Variants in CLMP observed in about 807,000 individuals in gnomAD.
CLMP encodes the protein CXADR like cell adhesion molecule.
In CLMP, 27 loss-of-function variants were observed where a neutral mutation model predicts 45.2. The ratio of observed to expected loss-of-function variants is 0.60; its 90% CI spans 0.44 to 0.82. The LOEUF is 0.82. Among genes scored for constraint, CLMP ranks in the 40% least tolerant of loss-of-function variants. CLMP has a pLI of 0.00. For synonymous variants in CLMP, 167 were observed against 171.4 expected (o/e 0.97, Z 0.20); for missense variants, 403 against 448.4 (o/e 0.90, Z 0.91).
intron 5 of CLMP, among the ~76,000 whole-genome samples, chr11:123,082,694 T>C (rs1235929562): frequency 1.3e-5 from 2 of 151,180 alleles, no homozygotes; most frequent in Non-Finnish European, 2.9e-5. Context: ...CACTGCAACC[T>C]CCGCCTCCCA....
intron 2 of CLMP, among the ~76,000 whole-genome samples, chr11:123,088,223 T>G (rs1591452458): frequency 6.6e-6 from 1 of 152,268 alleles, no homozygotes. Flanking sequence ...AGGGTAGGTT[T>G]CTTGGCAGGT....
intron 2 of CLMP, 22 bp from the exon 3 acceptor site, chr11:123,084,735 A>T: frequency 6.2e-7 from 1 of 1,607,112 alleles, no homozygotes; most frequent in Non-Finnish European, 8.5e-7. Flanking sequence ...ACCGAGGCAG[A>T]GTCAAGCAGC....
At chr11:123,136,055 C>A in intron 1 of CLMP, 1 of 596,576 alleles carries the variant, frequency 1.7e-6, no homozygotes, top group Non-Finnish European at 3.3e-6. Flanking sequence ...TCTTCATCTG[C>A]CTTTTTGCTT....
At chr11:123,114,708 C>A (rs1860696287) in intron 1 of CLMP, among the ~76,000 whole-genome samples, 1 of 152,104 alleles carries the variant, frequency 6.6e-6, no homozygotes, top group Non-Finnish European at 1.5e-5. Context: ...TGTAACACTT[C>A]TTAATAATAG....
intron 1 of CLMP, among the ~76,000 whole-genome samples, chr11:123,112,338 C>CT (rs544128953): frequency 0.079 from 10,791 of 137,458 alleles, 526 homozygotes; most frequent in East Asian, 0.15. Context: ...TTTTCTTTTT[C>CT]TTTTTTTTTT....
intron 1 of CLMP, among the ~76,000 whole-genome samples, chr11:123,151,942 T>C (rs1861341605): frequency 6.6e-6 from 1 of 152,176 alleles, no homozygotes; most frequent in Non-Finnish European, 1.5e-5. Flanking sequence ...CTTGAATAGC[T>C]CCCTGCCTCC....
chr11:123,181,418 C>A (rs1290727317), intron 1 of CLMP, among the ~76,000 whole-genome samples: 2 of 152,222 alleles, frequency 1.3e-5, no homozygotes, highest in Non-Finnish European at 2.9e-5. Flanking sequence ...CGATTGCTTT[C>A]GCCTCATGGT....
rs117892730 is a variant in CLMP, at chr11:123,147,598, C to T, written c.28+47315G>A. ...CAGCAGCGAGCCTTTCTTGACTGCC[C>T]CTACTCTGGATTCCCATAGCACACC... On this transcript the variant is annotated intron_variant, in intron 1 of 6. Transcript: ENST00000448775. Among the ~76,000 whole-genome samples the T allele has an allele frequency of 3.1e-3, 473 of 152,090 alleles. 11 individuals carry two copies. The East Asian group carries it at 0.034, about 11-fold the overall frequency.
At chr11:123,145,230 T>A (rs1861219248) in intron 1 of CLMP, among the ~76,000 whole-genome samples, 1 of 152,144 alleles carries the variant, frequency 6.6e-6, no homozygotes, top group Non-Finnish European at 1.5e-5. Flanking sequence ...TATTTCTATT[T>A]CTATATTTTC....
intron 1 of CLMP, among the ~76,000 whole-genome samples, chr11:123,118,759 T>C (rs1860751261): frequency 6.6e-6 from 1 of 152,106 alleles, no homozygotes; most frequent in Non-Finnish European, 1.5e-5. Context: ...TCATTTCCCC[T>C]GACTTTACTT....
intron 5 of CLMP, among the ~76,000 whole-genome samples, chr11:123,080,490 G>A (rs2135465707): frequency 6.6e-6 from 1 of 152,236 alleles, no homozygotes; most frequent in East Asian, 1.9e-4. Context: ...ACCACGCCCA[G>A]CTAATTTTCT....
At chr11:123,186,351 G>A (rs543885735) in intron 1 of CLMP, among the ~76,000 whole-genome samples, 8 of 152,262 alleles carry the variant, frequency 5.3e-5, no homozygotes, top group Admixed American at 3.3e-4. Flanking sequence ...GGCAGCCTAA[G>A]TTGGCACAGG....
In CLMP at chr11:123,073,504, G is replaced by A; in HGVS notation, c.1092C>T (p.Pro364=). The A allele has an allele frequency of 1.2e-6, 2 of 1,614,050 alleles. No homozygotes were observed. The highest frequency in any genetic ancestry group is 1.7e-6 in the Non-Finnish European group (2 of 1,179,960). Residue 364 remains proline (P), a synonymous_variant, in exon 7 of 7, where the codon CCC becomes CCT. Coordinates refer to ENST00000448775, the MANE Select transcript of CLMP (RefSeq NM_024769.5). ...CCGTTTGGAAGGCTCTGCTCTGGCT[G>A]GGGATCATGCTGGGTGTGGTTTCTG... The part of the protein sequence containing the change: ...TKAETTPSMI[P]SQSRAFQTV
At chr11:123,188,405 CCTTCCTCCTCCT>C (rs146814009) in intron 1 of CLMP, among the ~76,000 whole-genome samples, 101,966 of 149,290 alleles carry the variant, frequency 0.68, 34,995 homozygotes, top group South Asian at 0.74. Flanking sequence ...AGTCTCTGTG[CCTTCCTCCTCCT>C]CTTCCTCCTC....
chr11:123,160,733 T>G (rs1299220512), intron 1 of CLMP, among the ~76,000 whole-genome samples: 2 of 151,978 alleles, frequency 1.3e-5, no homozygotes, highest in African/African-American at 2.4e-5. Flanking sequence ...ATCCCAGAAC[T>G]TTGGGAGGCT....
At chr11:123,146,141 T>C (rs1861235964) in intron 1 of CLMP, among the ~76,000 whole-genome samples, 2 of 152,318 alleles carry the variant, frequency 1.3e-5, no homozygotes, top group Non-Finnish European at 2.9e-5. Flanking sequence ...AGAACCAAGA[T>C]GCTGGCACAC....
intron 2 of CLMP, among the ~76,000 whole-genome samples, chr11:123,088,703 G>A (rs1266279445): frequency 1.3e-5 from 2 of 152,074 alleles, no homozygotes; most frequent in Non-Finnish European, 2.9e-5. Flanking sequence ...TCCACTCATT[G>A]CAACCTCCGC....
chr11:123,159,470 CAT>C (rs1339106494), intron 1 of CLMP, among the ~76,000 whole-genome samples: 2 of 152,176 alleles, frequency 1.3e-5, no homozygotes, highest in African/African-American at 2.4e-5. Context: ...CTCCAGGCAG[CAT>C]ATGAGTGTGG....
chr11:123,108,512 G>A (rs764876335), intron 1 of CLMP, among the ~76,000 whole-genome samples: 4 of 152,114 alleles, frequency 2.6e-5, no homozygotes, highest in Non-Finnish European at 5.9e-5. Flanking sequence ...CTTCAGTCAG[G>A]GGGGCCGGAT....
Sources: gnomAD v4.1 joint callset for allele counts (sites outside exome capture counted in the v4.1 genomes callset) on GRCh38, gnomAD v4.1.1 for gene constraint, MANE v1.5 for transcripts, NCBI Gene and HGNC (gene_info 2026-07-23, HGNC 2026-07-21) for gene names.